Variants in RNF6 observed in about 807,000 individuals in gnomAD.
RNF6 encodes ring finger protein 6.
In RNF6, 21 loss-of-function variants were observed where a neutral mutation model predicts 50.1. The observed-to-expected ratio is 0.42, with a 90% CI of 0.30 to 0.60. RNF6 has a LOEUF of 0.60. Among genes scored for constraint, RNF6 ranks in the 20% least tolerant of loss-of-function variants. The pLI, the probability that RNF6 is intolerant of heterozygous loss-of-function variation, is 0.20. For synonymous variants in RNF6, 255 were observed against 291.8 expected, an observed-to-expected ratio of 0.87 and a Z score of 1.29; for missense variants, 698 against 838.2, an observed-to-expected ratio of 0.83 and a Z score of 2.07.
At chr13:26,188,287 A>T (rs138254956) in intron 5 of RNF6, among the ~76,000 whole-genome samples, 1 of 152,200 alleles carries the variant, frequency 6.6e-6, no homozygotes, top group African/African-American at 2.4e-5. Context: ...GGAGGCAATT[A>T]TAACAATATC....
At chr13:26,211,779 A>T (rs1163631683), downstream of RNF6, among the ~76,000 whole-genome samples, 4 of 152,278 alleles carry the variant, frequency 2.6e-5, no homozygotes, top group East Asian at 5.8e-4. Flanking sequence ...AAATAAAAAT[A>T]AAAATGCTGG....
At chr13:26,143,103 C>G (rs887672988) in intron 5 of RNF6, among the ~76,000 whole-genome samples, 1 of 152,194 alleles carries the variant, frequency 6.6e-6, no homozygotes, top group African/African-American at 2.4e-5. Flanking sequence ...TTGCCTTCAG[C>G]AAGCACTTCA....
intron 5 of RNF6, among the ~76,000 whole-genome samples, chr13:26,152,930 G>A (rs561534908): frequency 1.1e-4 from 16 of 152,088 alleles, no homozygotes; most frequent in South Asian, 2.1e-4. Flanking sequence ...CGAGGCGGGC[G>A]GATCATGAGG....
chr13:26,219,328 A>G, intron 3 of RNF6, 129 bp downstream of exon 3: 1 of 791,492 alleles, frequency 1.3e-6, no homozygotes, highest in Non-Finnish European at 1.9e-6. Context: ...AAGTTCTTAA[A>G]CTCACAAAAA....
chr13:26,136,614 A>C (rs988776467), intron 5 of RNF6, among the ~76,000 whole-genome samples: 4 of 152,192 alleles, frequency 2.6e-5, no homozygotes, highest in Non-Finnish European at 4.4e-5. Flanking sequence ...AGTTTATTGG[A>C]TCTTAAACTC....
At chr13:26,140,353 G>A (rs1024216791) in intron 5 of RNF6, among the ~76,000 whole-genome samples, 3 of 152,168 alleles carry the variant, frequency 2.0e-5, no homozygotes, top group African/African-American at 7.2e-5. Context: ...TGTGGTGAAA[G>A]ATTTATGAAC....
intron 5 of RNF6, among the ~76,000 whole-genome samples, chr13:26,172,775 C>A (rs1566419558): frequency 1.3e-5 from 2 of 152,152 alleles, no homozygotes; most frequent in East Asian, 3.9e-4. Flanking sequence ...GATCTCCTGA[C>A]CTCGTGATCC....
intron 2 of RNF6, among the ~76,000 whole-genome samples, chr13:26,220,733 G>C (rs891938778): frequency 6.6e-6 from 1 of 152,196 alleles, no homozygotes; most frequent in African/African-American, 2.4e-5. Context: ...TGTCACTAAA[G>C]GGTATGAGTA....
chr13:26,152,972 G>T (rs1296707119), intron 5 of RNF6, among the ~76,000 whole-genome samples: 5 of 151,970 alleles, frequency 3.3e-5, no homozygotes, highest in Non-Finnish European at 5.9e-5. Flanking sequence ...GACCAACATG[G>T]CAAAACCCTG....
At chr13:26,151,305 C>G (rs916506197) in intron 5 of RNF6, among the ~76,000 whole-genome samples, 6 of 151,678 alleles carry the variant, frequency 4.0e-5, no homozygotes, top group Non-Finnish European at 7.4e-5. Flanking sequence ...TTCCGTTGCC[C>G]AGGCTGGAGT....
At position 26,219,568 on chromosome 13, in the gene RNF6, T is replaced by C; in HGVS notation, c.82A>G (p.Arg28Gly). The change falls in exon 3 of 5, where the codon AGA becomes GGA. Residue 28 changes from arginine (R) to glycine (G), a missense_variant. Arg to Gly is a moderately radical substitution (Grantham distance 125, BLOSUM62 -2). Coordinates refer to ENST00000381588, the MANE Select transcript of RNF6 (RefSeq NM_005977.4). ...QDHNHHENER[R>G]WQQERLHREE... Reference sequence around the variant, plus strand: ...CTGTGGAGACGCTCTTGCTGCCATCTTCTCTCATTTTCATGATGATTATGG... The same window carrying C: ...CTGTGGAGACGCTCTTGCTGCCATCCTCTCTCATTTTCATGATGATTATGG... The C allele has an allele frequency of 6.2e-7, 1 of 1,614,092 alleles. No homozygotes were observed.
In RNF6 at chr13:26,195,808, A is replaced by C. The variant is rs116782751; in HGVS notation, n.768+19666T>G. On this transcript the variant is annotated intron_variant and non_coding_transcript_variant, in intron 5 of 5. Coordinates refer to the RNF6 transcript ENST00000468480. ...CCTTCTTACACACCCACACCCACAC[A>C]CACATACATACAATTTTACACAAGA... is the stretch of plus-strand genomic sequence containing the variant. Among the ~76,000 whole-genome samples, 736 of 152,228 alleles carry C rather than the reference A, an allele frequency of 4.8e-3. 9 individuals are homozygous for C. The highest frequency in any genetic ancestry group is 0.017 in the African/African-American group (702 of 41,524).
chr13:26,195,092 T>C (rs2137693069), intron 5 of RNF6, among the ~76,000 whole-genome samples: 1 of 152,260 alleles, frequency 6.6e-6, no homozygotes, highest in South Asian at 2.1e-4. Flanking sequence ...AACCCAGATA[T>C]AGCAGAAATA....
chr13:26,201,072 A>G (rs1463693432), intron 5 of RNF6, among the ~76,000 whole-genome samples: 2 of 152,208 alleles, frequency 1.3e-5, no homozygotes, highest in Non-Finnish European at 2.9e-5. Flanking sequence ...AATTAATAGC[A>G]TGAATAGCAA....
intron 5 of RNF6, among the ~76,000 whole-genome samples, chr13:26,178,419 G>A (rs1629492): frequency 0.23 from 34,421 of 150,352 alleles, 4,353 homozygotes; most frequent in African/African-American, 0.33. Flanking sequence ...CCATTCATGA[G>A]GGCTCTATCC....
intron 4 of RNF6, 83 bp downstream of exon 4, chr13:26,218,428 A>G: frequency 1.9e-6 from 2 of 1,062,156 alleles, no homozygotes; most frequent in East Asian, 2.4e-5. Flanking sequence ...ATTGAAGACA[A>G]ACATACTATA....
intron 5 of RNF6, among the ~76,000 whole-genome samples, chr13:26,158,572 A>G (rs372598422): frequency 1.3e-5 from 2 of 152,246 alleles, no homozygotes; most frequent in East Asian, 3.8e-4. Flanking sequence ...TCAATTGACT[A>G]TCATATAGTC....
intron 2 of RNF6, 77 bp from the exon 3 acceptor site, chr13:26,219,744 T>C (rs1215642643): frequency 2.3e-6 from 3 of 1,295,332 alleles, no homozygotes; most frequent in Non-Finnish European, 3.2e-6. Flanking sequence ...AACTTGCAGT[T>C]TTTCTTAATT....
chr13:26,188,659 G>A (rs1873671910), intron 5 of RNF6, among the ~76,000 whole-genome samples: 1 of 68,286 alleles, frequency 1.5e-5, no homozygotes, highest in East Asian at 3.6e-4. Context: ...TTTTTGAGAT[G>A]AAGTCTCACT....
Sources: gnomAD v4.1 joint callset for allele counts (sites outside exome capture counted in the v4.1 genomes callset) on GRCh38, gnomAD v4.1.1 for gene constraint, MANE v1.5 for transcripts, NCBI Gene and HGNC (gene_info 2026-07-23, HGNC 2026-07-21) for gene names.